TJP3: variants seen among roughly 807,000 people sequenced by gnomAD.
TJP3 encodes tight junction protein ZO-3.
TJP3 carries 85 observed loss-of-function variants against 104.2 expected under a neutral mutation model. That is an observed-to-expected ratio of 0.82 (90% CI 0.68 to 0.98). The LOEUF (loss-of-function observed/expected upper bound fraction) is 0.98, where lower values mean the gene tolerates loss of function less well. Among genes scored for constraint, TJP3 ranks in the 50% least tolerant of loss-of-function variants. The pLI, the probability that TJP3 is intolerant of heterozygous loss-of-function variation, is 0.00. For synonymous variants in TJP3, 550 were observed against 550.6 expected (o/e 1.00, Z 0.02); for missense variants, 1,367 against 1,322.8 (o/e 1.03, Z -0.52).
chr19:3,709,608 C>G (rs563306522), intron 1 of TJP3, among the ~76,000 whole-genome samples: 1 of 152,098 alleles, frequency 6.6e-6, no homozygotes, highest in Admixed American at 6.6e-5. Flanking sequence ...CAAGAGGGTC[C>G]CCCGGGGCCG....
In TJP3 at chr19:3,739,104, A is replaced by G; in HGVS notation, c.1601A>G (p.Gln534Arg). The change falls in exon 13 of 21, where the codon CAA (glutamine) becomes CGA (arginine). Residue 534 changes from glutamine to arginine, a missense_variant. By Grantham distance (43) the Gln-to-Arg change is conservative. Transcript: ENST00000541714. ...AVRMGRDLREQERGIIPNQSR... is the reference protein window; with the variant it reads ...AVRMGRDLRERERGIIPNQSR... Reference sequence around the variant, plus strand: ...CGCATGGGTCGTGACCTGCGGGAGCAAGAGCGGGGCATCATTCCCAACCAG... The same window carrying G: ...CGCATGGGTCGTGACCTGCGGGAGCGAGAGCGGGGCATCATTCCCAACCAG... The G allele has an allele frequency of 6.3e-7, 1 of 1,577,528 alleles. No homozygotes were observed. The highest frequency in any genetic ancestry group is 1.7e-5 in the Admixed American group (1 of 57,542).
At chr19:3,717,707 G>T (rs55723841) in intron 1 of TJP3, among the ~76,000 whole-genome samples, 1,858 of 151,878 alleles carry the variant, frequency 0.012, 40 homozygotes, top group African/African-American at 0.042. Flanking sequence ...GTGCTGGGAT[G>T]ACAGGCATGA....
intron 14 of TJP3, 51 bp downstream of exon 14, chr19:3,740,814 G>C (rs745880116): frequency 6.9e-7 from 1 of 1,453,428 alleles, no homozygotes; most frequent in South Asian, 1.5e-5. Flanking sequence ...CACAGCTCCT[G>C]GTGCACCTGT....
chr19:3,715,050 A>G (rs1358009809), intron 1 of TJP3, among the ~76,000 whole-genome samples: 1 of 151,468 alleles, frequency 6.6e-6, no homozygotes, highest in Non-Finnish European at 1.5e-5. Context: ...TCGTGAGGCA[A>G]CAGTAGAAAA....
In TJP3 at chr19:3,735,578, G is replaced by A; in HGVS notation, c.999G>A (p.Arg333=). 2 of 1,614,182 alleles carry A rather than the reference G, an allele frequency of 1.2e-6. No homozygotes were observed. The highest frequency in any genetic ancestry group is 1.7e-6 in the Non-Finnish European group (2 of 1,180,028). Residue 333 remains arginine, a synonymous_variant, in exon 9 of 21, where the codon CGG becomes CGA. Transcript: ENST00000541714. ...SQTDSPVESP[R]LRRESSVDSR... is the part of the protein sequence containing the mutation. Reference sequence around the variant, plus strand: ...TGTTCCCCACCAGGGAGAGTCCCCGGCTTCGGCGGGAAAGTTCAGTAGATT... The same window carrying A: ...TGTTCCCCACCAGGGAGAGTCCCCGACTTCGGCGGGAAAGTTCAGTAGATT...
rs1206966420 is a variant in TJP3 at position 3,730,594 on chromosome 19, T to A, written c.501T>A (p.Gly167=). 6.2e-7 allele frequency: 1 copy of A among 1,610,756 alleles called. No individual in the cohort carries two copies. Among genetic ancestry groups the A allele is most frequent in the Non-Finnish European group, 8.5e-7 (1 of 1,179,700 alleles). Reference sequence around the variant, plus strand: ...GCCATGGGCGTAGGAGCCCAGGTGGTGGCTCTGAGGCCAACGGGCTGGCCC... The same window carrying A: ...GCCATGGGCGTAGGAGCCCAGGTGGAGGCTCTGAGGCCAACGGGCTGGCCC... ...AGSHGRRSPG[G]GSEANGLALV... is the part of the protein sequence containing the mutation. The change falls in exon 5 of 21, where the codon GGT becomes GGA. Residue 167 remains glycine (G), a synonymous_variant. Transcript: ENST00000541714. This position sits in a 1 kb window ranked among gnomAD's most constrained non-coding sequence, Gnocchi z 7.3.
rs752470059 is a variant in TJP3 at position 3,749,990 on chromosome 19, T to C, written c.2611-148T>C. 1.5e-4 allele frequency: 140 copies of C among 946,000 alleles called. 1 individual carries two copies. The highest frequency in any genetic ancestry group is 2.2e-4 in the Non-Finnish European group (133 of 598,462). 58.6% of individuals were successfully genotyped at this position (946,000 alleles called of 1,614,324 possible). On this transcript the variant is annotated intron_variant, in intron 19 of 20. Coordinates refer to ENST00000541714, the MANE Select transcript of TJP3 (RefSeq NM_001267560.2). The stretch of plus-strand genomic sequence containing the variant: ...CCAGCCTCAGTTTTCTCATTTAGAT[T>C]TGGGGATGACCTGCAGACTTGTCAC...
chr19:3,735,817 A>G (rs1364801359), intron 9 of TJP3, 52 bp from the exon 10 acceptor site: 2 of 1,609,672 alleles, frequency 1.2e-6, no homozygotes, highest in East Asian at 2.2e-5. Context: ...AAAGGTTTGG[A>G]GGCTGGACTG....
At chr19:3,735,715 G>A in intron 9 of TJP3, 76 bp downstream of exon 9, 1 of 1,603,476 alleles carries the variant, frequency 6.2e-7, no homozygotes. Flanking sequence ...GGCAGAGCTG[G>A]GGGAGGTTGG....
chr19:3,736,201 G>A lies in TJP3; in HGVS notation c.1164G>A (p.Lys388=). The change falls in exon 11 of 21, where the codon AAG becomes AAA. Residue 388 remains lysine (K), a synonymous_variant. Transcript: ENST00000541714. ...SPDTRVVRFL[K]GKSIGLRLAG... ...ACACGCGTGTGGTCCGCTTCCTCAA[G>A]GGCAAGAGCATCGGGCTGCGGCTGG... 6.3e-7 allele frequency: 1 copy of A among 1,598,874 alleles called. No individual in the cohort carries two copies. The highest frequency in any genetic ancestry group is 8.5e-7 in the Non-Finnish European group (1 of 1,172,470).
intron 1 of TJP3, among the ~76,000 whole-genome samples, chr19:3,718,243 GTGTGTGTGTGTGTC>G (rs745392981): frequency 0.1 from 11,996 of 118,610 alleles, 865 homozygotes; most frequent in Admixed American, 0.15. Context: ...GTGTGTGTGT[GTGTGTGTGTGTGTC>G]TGTGTGTGTG....
chr19:3,713,302 C>G (rs2036449615), intron 1 of TJP3, among the ~76,000 whole-genome samples: 1 of 152,220 alleles, frequency 6.6e-6, no homozygotes, highest in Non-Finnish European at 1.5e-5. Flanking sequence ...ACACGGCTTC[C>G]TTAAAACCTC....
intron 11 of TJP3, among the ~76,000 whole-genome samples, chr19:3,738,171 C>T (rs769674730): frequency 8.5e-5 from 13 of 152,218 alleles, no homozygotes; most frequent in East Asian, 1.9e-4. Flanking sequence ...GTCCCTGTCA[C>T]GACCCTGTGA....
chr19:3,717,727 C>A (rs1460344964), intron 1 of TJP3, among the ~76,000 whole-genome samples: 1 of 152,006 alleles, frequency 6.6e-6, no homozygotes, highest in Non-Finnish European at 1.5e-5. Context: ...AGCCACTGCA[C>A]CCTGCCTAAG....
At chr19:3,719,259 A>T (rs2145669112) in intron 1 of TJP3, among the ~76,000 whole-genome samples, 1 of 152,170 alleles carries the variant, frequency 6.6e-6, no homozygotes, top group Non-Finnish European at 1.5e-5. Flanking sequence ...GGAGTGTCAC[A>T]CAGGGAAGGG....
intron 1 of TJP3, among the ~76,000 whole-genome samples, chr19:3,726,276 G>A (rs1394629204): frequency 1.3e-5 from 2 of 152,236 alleles, no homozygotes; most frequent in Non-Finnish European, 2.9e-5. Context: ...CCTGAGTCTG[G>A]TGTTCTCATT....
chr19:3,746,822 C>CA lies in TJP3; in HGVS notation c.2270dup (p.Ala758GlyfsTer39). 3 of 1,610,054 alleles carry CA rather than the reference C, an allele frequency of 1.9e-6. No individual in the cohort carries two copies. The highest frequency in any genetic ancestry group is 2.5e-6 in the Non-Finnish European group (3 of 1,178,024). ...CGAGTGACACCTGGTACCAGGAGCT[C>CA]AAGGCCATCATTCGAGAGCAGCAGA... On this transcript the variant is annotated frameshift_variant, in exon 18 of 21. Coordinates refer to ENST00000541714, the MANE Select transcript of TJP3 (RefSeq NM_001267560.2). LOFTEE classifies it high-confidence loss of function. This position sits in a 1 kb window ranked among gnomAD's most constrained non-coding sequence, Gnocchi z 4.1.
At chr19:3,722,803 G>T (rs973976856) in intron 1 of TJP3, among the ~76,000 whole-genome samples, 2 of 135,246 alleles carry the variant, frequency 1.5e-5, no homozygotes, top group African/African-American at 5.4e-5. Flanking sequence ...CCCAATCGGT[G>T]TATTTGTTCG....
At position 3,730,004 on chromosome 19, in the gene TJP3, G is replaced by A. The variant is rs748252616; in HGVS notation, c.159-24G>A. 9 of 1,609,380 alleles carry A rather than the reference G, an allele frequency of 5.6e-6. No homozygotes were observed. The highest frequency in any genetic ancestry group is 2.7e-5 in the African/African-American group (2 of 74,870). ...GGGTCTCCCCTGCAAAGCCTCCTCC[G>A]TAAGACCCGCCCTCCTCTCTCAGGA... On this transcript the variant is annotated intron_variant, in intron 3 of 20. Coordinates refer to ENST00000541714, the MANE Select transcript of TJP3 (RefSeq NM_001267560.2). The surrounding 1 kb of genome is among the most constrained non-coding windows in gnomAD (Gnocchi z 7.3).
Sources: allele counts gnomAD v4.1 joint callset (sites outside exome capture counted in the v4.1 genomes callset), GRCh38; gene constraint gnomAD v4.1.1; non-coding constraint Gnocchi (gnomAD v3.1); transcripts MANE v1.5; gene names NCBI Gene and HGNC (gene_info 2026-07-23, HGNC 2026-07-21).